ST6GAL1: variants seen among roughly 807,000 people sequenced by gnomAD.
ST6GAL1 encodes the protein ST6 beta-galactoside alpha-2,6-sialyltransferase 1, also known as beta-galactoside alpha-2,6-sialyltransferase 1.
ST6GAL1 carries 20 observed loss-of-function variants against 38.0 expected under a neutral mutation model. The observed-to-expected ratio is 0.53, with a 90% CI of 0.37 to 0.77. The LOEUF (loss-of-function observed/expected upper bound fraction) is 0.77, where lower values mean the gene tolerates loss of function less well. Ranked by LOEUF, ST6GAL1 falls within the 30% of genes least tolerant of loss-of-function variation. ST6GAL1 has a pLI of 0.00. For missense variants in ST6GAL1, 432 were observed against 496.4 expected (o/e 0.87, Z 1.23); for synonymous variants, 196 against 188.2 (o/e 1.04, Z -0.34).
At chr3:186,988,904 A>G (rs866481737) in intron 2 of ST6GAL1, among the ~76,000 whole-genome samples, 39 of 152,298 alleles carry the variant, frequency 2.6e-4, no homozygotes, top group Admixed American at 3.3e-4. Context: ...ACAGAGCCAG[A>G]GCCAGACCCT....
chr3:186,967,787 A>G (rs756206793), intron 2 of ST6GAL1, among the ~76,000 whole-genome samples: 1 of 152,188 alleles, frequency 6.6e-6, no homozygotes, highest in African/African-American at 2.4e-5. Flanking sequence ...AAGGGGAAGG[A>G]TGTTATTTGC....
chr3:186,933,835 G>A (rs543284805), intron 1 of ST6GAL1, among the ~76,000 whole-genome samples: 1 of 152,230 alleles, frequency 6.6e-6, no homozygotes, highest in Non-Finnish European at 1.5e-5. Flanking sequence ...TTAAGTCAGA[G>A]AACCAATTCC....
At chr3:187,048,366 C>T (rs957905401) in intron 4 of ST6GAL1, among the ~76,000 whole-genome samples, 2 of 152,168 alleles carry the variant, frequency 1.3e-5, no homozygotes, top group African/African-American at 2.4e-5. Context: ...CACTCCTTGT[C>T]TACAGTCAAG....
intron 2 of ST6GAL1, among the ~76,000 whole-genome samples, chr3:186,992,681 C>T (rs1032727438): frequency 6.6e-6 from 1 of 152,074 alleles, no homozygotes; most frequent in African/African-American, 2.4e-5. Flanking sequence ...CCCATAATCT[C>T]AGCTACTCGG....
In ST6GAL1 at chr3:187,033,631, C is replaced by A. The variant is rs114392476; in HGVS notation, c.-182-5111C>A. Among the ~76,000 whole-genome samples, 1,025 of 152,166 alleles carry A rather than the reference C, an allele frequency of 6.7e-3. 2 individuals carry two copies. The highest frequency in any genetic ancestry group is 0.011 in the Non-Finnish European group (779 of 67,994). On this transcript the variant is annotated intron_variant, in intron 2 of 7. Transcript: ENST00000169298. ...TTTCTCCCCTATTACTATATAAATT[C>A]ATACACAATTATATAAATTATTTCA...
chr3:187,051,684 TGTGAAAAGTGA>T, intron 5 of ST6GAL1: 1 of 279,152 alleles, frequency 3.6e-6, no homozygotes, highest in South Asian at 4.7e-5. Flanking sequence ...TGGGGAGTGT[TGTGAAAAGTGA>T]ATGAAACAAT....
intron 2 of ST6GAL1, among the ~76,000 whole-genome samples, chr3:187,005,152 G>A (rs1450878296): frequency 1.3e-5 from 2 of 152,058 alleles, no homozygotes; most frequent in Non-Finnish European, 2.9e-5. Flanking sequence ...CAAAATCTAG[G>A]GATGTAGGCG....
intron 1 of ST6GAL1, among the ~76,000 whole-genome samples, chr3:186,957,561 G>T (rs1342283477): frequency 2.0e-5 from 3 of 151,974 alleles, no homozygotes; most frequent in African/African-American, 2.4e-5. Context: ...ATTTATTAAA[G>T]AAATAATACA....
chr3:187,076,700 A>T lies in ST6GAL1; in HGVS notation c.*897A>T. 2.5e-6 allele frequency: 1 copy of T among 397,612 alleles called. No individual in the cohort carries two copies. The highest frequency in any genetic ancestry group is 4.4e-6 in the Non-Finnish European group (1 of 225,962). The allele number at this position is 397,612 out of a possible 1,614,324, so 24.6% of individuals were successfully genotyped here. ...AGAAGAAACATGGCAAGCAGATTAC[A>T]TCTGAGCCGTTTGAATTGTGTTTTT... On this transcript the variant is annotated 3_prime_UTR_variant, in exon 8 of 8. Coordinates refer to ENST00000169298, the MANE Select transcript of ST6GAL1 (RefSeq NM_173216.2).
intron 5 of ST6GAL1, among the ~76,000 whole-genome samples, chr3:187,069,605 T>C (rs1025461815): frequency 6.6e-6 from 1 of 152,222 alleles, no homozygotes; most frequent in African/African-American, 2.4e-5. Flanking sequence ...CAGGAGCTTC[T>C]TTGTGGTCTT....
At chr3:186,992,137 G>C (rs1716193810) in intron 2 of ST6GAL1, among the ~76,000 whole-genome samples, 1 of 152,142 alleles carries the variant, frequency 6.6e-6, no homozygotes, top group African/African-American at 2.4e-5. Flanking sequence ...GTTTGGCTGT[G>C]TCCCACCCAG....
At chr3:187,012,553 T>C (rs4012256) in intron 2 of ST6GAL1, among the ~76,000 whole-genome samples, 112,505 of 152,168 alleles carry the variant, frequency 0.74, 42,170 homozygotes, top group East Asian at 0.91. Flanking sequence ...CTCGCCCAGC[T>C]GCACTTTTTA....
chr3:187,072,387 G>T (rs78114364), intron 5 of ST6GAL1: 1 of 189,436 alleles, frequency 5.3e-6, no homozygotes, highest in African/African-American at 2.7e-5. Flanking sequence ...TGTGTTGGCT[G>T]TGTTGGACTT....
chr3:186,998,872 T>C (rs949706728), intron 2 of ST6GAL1, among the ~76,000 whole-genome samples: 9 of 152,338 alleles, frequency 5.9e-5, no homozygotes, highest in African/African-American at 2.2e-4. Context: ...CGTATATTAT[T>C]TCATATAGTT....
chr3:186,952,827 A>G lies in ST6GAL1; in HGVS notation c.-324-10958A>G, dbSNP rs1233844664. 6.6e-6 allele frequency among the ~76,000 whole-genome samples: 1 copy of G among 152,144 alleles called. No homozygotes were observed. Among genetic ancestry groups the G allele is most frequent in the Non-Finnish European group, 1.5e-5 (1 of 68,028 alleles). ...AAGTTTCCTTAGACATCTAATATAC[A>G]TCTCAAATATGACAAGCCCAAAATC... On this transcript the variant is annotated intron_variant, in intron 1 of 7. Transcript: ENST00000169298. This position sits in a 1 kb window ranked among gnomAD's most constrained non-coding sequence, Gnocchi z 4.1.
At chr3:186,931,597 A>G (rs528240859) in intron 1 of ST6GAL1, among the ~76,000 whole-genome samples, 58 of 152,246 alleles carry the variant, frequency 3.8e-4, no homozygotes, top group African/African-American at 1.4e-3. Context: ...GTGCCCCTCA[A>G]AAAAAGAGAG....
At chr3:187,070,511 G>A (rs921048219) in intron 5 of ST6GAL1, among the ~76,000 whole-genome samples, 3 of 138,754 alleles carry the variant, frequency 2.2e-5, no homozygotes, top group Admixed American at 1.6e-4. Flanking sequence ...GGCAACCTCC[G>A]CCTCCTGGGT....
chr3:187,072,242 T>A (rs74474896), intron 5 of ST6GAL1: 2 of 154,400 alleles, frequency 1.3e-5, no homozygotes, highest in Non-Finnish European at 2.9e-5. Flanking sequence ...GGGTCTCCTG[T>A]TGGGAGGTGT....
At chr3:187,056,547 T>C (rs1447265059) in intron 5 of ST6GAL1, among the ~76,000 whole-genome samples, 1 of 152,202 alleles carries the variant, frequency 6.6e-6, no homozygotes, top group Non-Finnish European at 1.5e-5. Context: ...ATTTTATTTC[T>C]CCTTCACATA....
Sources: allele counts gnomAD v4.1 joint callset (sites outside exome capture counted in the v4.1 genomes callset), GRCh38; gene constraint gnomAD v4.1.1; non-coding constraint Gnocchi (gnomAD v3.1); transcripts MANE v1.5; gene names NCBI Gene and HGNC (gene_info 2026-07-23, HGNC 2026-07-21).